The following LINGO2 variants were observed in gnomAD, a reference collection of about 807,000 sequenced individuals.
The protein encoded by LINGO2 is leucine rich repeat and Ig domain containing 2.
A neutral mutation model predicts 30.6 loss-of-function variants in LINGO2; 14 were observed. The observed-to-expected ratio is 0.46, with a 90% CI of 0.30 to 0.72. The LOEUF is 0.72. Ranked by LOEUF, LINGO2 falls within the 30% of genes least tolerant of loss-of-function variation. The probability of loss-of-function intolerance (pLI) is 0.07; values close to 1 mark genes in which losing one functional copy is unlikely to be tolerated. For synonymous variants in LINGO2, 317 were observed against 288.5 expected (o/e 1.10, Z -1.00); for missense variants, 729 against 751.7 (o/e 0.97, Z 0.35).
chr9:28,317,306 A>G (rs897265969), intron 3 of LINGO2, among the ~76,000 whole-genome samples: 2 of 152,162 alleles, frequency 1.3e-5, no homozygotes, highest in Admixed American at 6.6e-5. Context: ...TTCCTTGTTT[A>G]TCTCAGTTGG....
chr9:28,828,943 G>C, the LINGO2 span, among the ~76,000 whole-genome samples: 1 of 152,106 alleles, frequency 6.6e-6, no homozygotes, highest in Non-Finnish European at 1.5e-5. Flanking sequence ...CCCAGAGAAG[G>C]CCCCACCCTC....
chr9:28,243,948 C>G (rs1168043888), intron 4 of LINGO2, among the ~76,000 whole-genome samples: 1 of 152,174 alleles, frequency 6.6e-6, no homozygotes, highest in African/African-American at 2.4e-5. Flanking sequence ...ATATTCAGGA[C>G]TTGAACTCTG....
intron 1 of LINGO2, among the ~76,000 whole-genome samples, chr9:28,527,553 T>C (rs1821082273): frequency 6.6e-6 from 1 of 152,096 alleles, no homozygotes; most frequent in Non-Finnish European, 1.5e-5. Context: ...GGCATTTCTA[T>C]TCTCTGTCTC....
At chr9:29,125,680 C>T in the LINGO2 span, among the ~76,000 whole-genome samples, 1 of 152,070 alleles carries the variant, frequency 6.6e-6, no homozygotes, top group African/African-American at 2.4e-5. Context: ...AAATTTCTTA[C>T]AGTTACTAAG....
intron 4 of LINGO2, among the ~76,000 whole-genome samples, chr9:28,035,460 C>T (rs2132933192): frequency 6.6e-6 from 1 of 152,298 alleles, no homozygotes; most frequent in Middle Eastern, 3.4e-3. Flanking sequence ...AATACTGCTT[C>T]TGGTATGCTA....
At chr9:28,814,011 T>C in the LINGO2 span, among the ~76,000 whole-genome samples, 2 of 152,272 alleles carry the variant, frequency 1.3e-5, no homozygotes, top group East Asian at 1.9e-4. Context: ...GAAGCATATA[T>C]ATACAATACT....
chr9:28,780,012 G>A, the LINGO2 span, among the ~76,000 whole-genome samples: 1 of 152,032 alleles, frequency 6.6e-6, no homozygotes, highest in East Asian at 1.9e-4. Context: ...TTCTAAATCA[G>A]TTAATGTCAA....
chr9:28,348,379 G>A (rs1047588584), intron 3 of LINGO2, among the ~76,000 whole-genome samples: 1 of 152,164 alleles, frequency 6.6e-6, no homozygotes, highest in South Asian at 2.1e-4. Flanking sequence ...GTCAAAGAAA[G>A]GGGTGACGGA....
chr9:28,270,570 A>G (rs969193275), intron 4 of LINGO2, among the ~76,000 whole-genome samples: 5 of 152,132 alleles, frequency 3.3e-5, no homozygotes, highest in African/African-American at 1.2e-4. Flanking sequence ...AGCTCCTACC[A>G]GCCACCTCCC....
intron 2 of LINGO2, among the ~76,000 whole-genome samples, chr9:28,439,968 G>A (rs1824125058): frequency 6.6e-6 from 1 of 152,196 alleles, no homozygotes; most frequent in South Asian, 2.1e-4. Flanking sequence ...AACTTGATGT[G>A]TACATGCCAG....
intron 4 of LINGO2, among the ~76,000 whole-genome samples, chr9:28,246,854 T>C (rs1822019886): frequency 6.6e-6 from 1 of 152,150 alleles, no homozygotes; most frequent in African/African-American, 2.4e-5. Context: ...AATCTACCCT[T>C]TTGACAAAGG....
chr9:28,774,041 T>TACACAC, the LINGO2 span, among the ~76,000 whole-genome samples: 45 of 146,786 alleles, frequency 3.1e-4, no homozygotes, highest in South Asian at 1.4e-3. Context: ...TTCTTTTTGA[T>TACACAC]ACACACACAC....
In LINGO2 at chr9:28,584,201, CT is replaced by C. The variant is rs1020434790; in HGVS notation, c.-365+85998del. 1.4e-3 allele frequency among the ~76,000 whole-genome samples: 216 copies of C among 152,096 alleles called. 3 individuals are homozygous for C. Among genetic ancestry groups the C allele is most frequent in the African/African-American group, 5.0e-3 (206 of 41,550 alleles). Reference sequence around the variant, plus strand: ...TTCACACTGAAGTAATTTTGATAAACTTTTTTCTTACTTTAGTATTTATACT... The same window carrying C: ...TTCACACTGAAGTAATTTTGATAAACTTTTTCTTACTTTAGTATTTATACT... On this transcript the variant is annotated intron_variant, in intron 1 of 5. Transcript: ENST00000379992.
intron 1 of LINGO2, among the ~76,000 whole-genome samples, chr9:28,549,830 A>G (rs1374407579): frequency 1.7e-4 from 26 of 151,282 alleles, no homozygotes; most frequent in Admixed American, 1.7e-3. Flanking sequence ...TTTGTTTTTT[A>G]TTTTTTTCTC....
intron 2 of LINGO2, among the ~76,000 whole-genome samples, chr9:28,413,317 T>C (rs10968574): frequency 0.16 from 24,386 of 152,072 alleles, 2,615 homozygotes; most frequent in African/African-American, 0.3. Context: ...ATTTAAGCTT[T>C]CATTTTGTGG....
intron 1 of LINGO2, among the ~76,000 whole-genome samples, chr9:28,479,653 G>T (rs1189348275): frequency 6.6e-6 from 1 of 151,448 alleles, no homozygotes; most frequent in Non-Finnish European, 1.5e-5. Flanking sequence ...TTTCATTTAA[G>T]AATGATAGAC....
At chr9:28,343,846 G>A (rs1436007112) in intron 3 of LINGO2, among the ~76,000 whole-genome samples, 7 of 152,080 alleles carry the variant, frequency 4.6e-5, no homozygotes, top group African/African-American at 9.7e-5. Context: ...GCGACATTAA[G>A]TTTGGAGAGA....
the LINGO2 span, among the ~76,000 whole-genome samples, chr9:28,882,939 G>T: frequency 1.5e-3 from 234 of 152,228 alleles, no homozygotes; most frequent in African/African-American, 5.5e-3. Flanking sequence ...TACACACACA[G>T]CTCCCTCTGA....
At chr9:28,499,244 G>C (rs1389368669) in intron 1 of LINGO2, among the ~76,000 whole-genome samples, 1 of 152,170 alleles carries the variant, frequency 6.6e-6, no homozygotes, top group Admixed American at 6.5e-5. Context: ...CTTGTTTTCT[G>C]AGGCACTCAA....
Sources: allele counts gnomAD v4.1 joint callset (sites outside exome capture counted in the v4.1 genomes callset), GRCh38; gene constraint gnomAD v4.1.1; transcripts MANE v1.5; gene names NCBI Gene and HGNC (gene_info 2026-07-23, HGNC 2026-07-21).